The following TRAP1 variants were observed in gnomAD, a reference collection of about 807,000 sequenced individuals.
TRAP1 encodes the protein TNF receptor associated protein 1.
TRAP1 carries 102 observed loss-of-function variants against 89.1 expected under a neutral mutation model. That is an observed-to-expected ratio of 1.15 (90% CI 0.98 to 1.35). The LOEUF (loss-of-function observed/expected upper bound fraction) is 1.35. TRAP1 is among the 40% of genes most tolerant of loss of function. The pLI, the probability that TRAP1 is intolerant of heterozygous loss-of-function variation, is 0.00. For synonymous variants in TRAP1, 508 were observed against 388.0 expected, an observed-to-expected ratio of 1.31 and a Z score of -3.64; for missense variants, 1,256 against 945.3, an observed-to-expected ratio of 1.33 and a Z score of -4.31.
chr16:3,662,194 T>C (rs867005175), intron 15 of TRAP1, 62 bp from the exon 16 acceptor site: 6 of 1,567,096 alleles, frequency 3.8e-6, no homozygotes, highest in Non-Finnish European at 5.2e-6. Flanking sequence ...GCTGGCAGGA[T>C]CTTACCAGGG....
chr16:3,663,577 G>C lies in TRAP1; in HGVS notation c.1570-15C>G, dbSNP rs373408183. ...CAGAAGAGAACCTGCAGGTGGCCAAGAGCAGCTCCATCAGACCCCGGGGGC... is the reference window on the plus strand; with the variant it reads ...CAGAAGAGAACCTGCAGGTGGCCAACAGCAGCTCCATCAGACCCCGGGGGC... On this transcript the variant is annotated splice_polypyrimidine_tract_variant and intron_variant, in intron 13 of 17. Transcript: ENST00000246957. 15 of 1,613,224 alleles carry C rather than the reference G, an allele frequency of 9.3e-6. No homozygotes were observed. In the Admixed American group the frequency reaches 1.5e-4, roughly 16 times the overall value.
At chr16:3,682,297 T>A (rs1258669909) in intron 4 of TRAP1, among the ~76,000 whole-genome samples, 1 of 147,040 alleles carries the variant, frequency 6.8e-6, no homozygotes, top group East Asian at 2.0e-4. Context: ...ACATCTGTAA[T>A]CCCAGCACTT....
rs1410069903 is a variant in TRAP1, at chr16:3,705,452, GCAA to G, written c.88+11966_88+11968del. ...CTTTTCCCTCTCCCACCAGCTCTTG[GCAA>G]CTACTCATCTATGTCTGTCTCTATG... is the stretch of plus-strand genomic sequence containing the variant. On this transcript the variant is annotated intron_variant, in intron 1 of 17. Coordinates refer to ENST00000246957, the MANE Select transcript of TRAP1 (RefSeq NM_016292.3). Among the ~76,000 whole-genome samples, 11 of 152,128 alleles carry G rather than the reference GCAA, an allele frequency of 7.2e-5. 1 individual carries two copies. The South Asian group carries it at 2.3e-3, about 32-fold the overall frequency.
intron 1 of TRAP1, among the ~76,000 whole-genome samples, chr16:3,704,006 C>T (rs558641007): frequency 1.1e-5 from 1 of 88,330 alleles, no homozygotes; most frequent in Admixed American, 1.4e-4. Flanking sequence ...CAGAGCGAGA[C>T]CCCGTCTCAA....
chr16:3,694,977 T>C (rs968470692), intron 1 of TRAP1, among the ~76,000 whole-genome samples: 1 of 152,208 alleles, frequency 6.6e-6, no homozygotes, highest in East Asian at 1.9e-4. Context: ...CTCTGCAGCC[T>C]CTGGCGTTGC....
intron 1 of TRAP1, among the ~76,000 whole-genome samples, chr16:3,699,204 G>A (rs558760167): frequency 3.3e-5 from 5 of 152,124 alleles, no homozygotes; most frequent in African/African-American, 4.8e-5. Flanking sequence ...CTCAGTAGCT[G>A]GGACTCCTTC....
At chr16:3,695,878 G>C (rs937667422) in intron 1 of TRAP1, among the ~76,000 whole-genome samples, 1 of 152,158 alleles carries the variant, frequency 6.6e-6, no homozygotes, top group Non-Finnish European at 1.5e-5. Context: ...TTGAAGAAAA[G>C]TCACTGATAA....
intron 4 of TRAP1, among the ~76,000 whole-genome samples, chr16:3,685,252 G>A (rs1306363993): frequency 1.3e-5 from 2 of 152,296 alleles, no homozygotes; most frequent in South Asian, 2.1e-4. Flanking sequence ...CAGCTGGCAC[G>A]TACCACGGGG....
chr16:3,694,019 G>A (rs1332325148), intron 1 of TRAP1, among the ~76,000 whole-genome samples: 4 of 142,192 alleles, frequency 2.8e-5, no homozygotes, highest in Admixed American at 2.1e-4. Flanking sequence ...AAAAAAAAAG[G>A]TCCCAGGTTC....
intron 10 of TRAP1, among the ~76,000 whole-genome samples, chr16:3,672,320 T>C (rs2050924937): frequency 6.6e-6 from 1 of 151,986 alleles, no homozygotes. Flanking sequence ...GCAAGACTCG[T>C]CTCAAAAAAC....
chr16:3,668,007 CA>C (rs1221540680), intron 11 of TRAP1, among the ~76,000 whole-genome samples: 1 of 148,472 alleles, frequency 6.7e-6, no homozygotes, highest in African/African-American at 2.5e-5. Context: ...TGGCGCACTG[CA>C]ATCTCCACCT....
intron 1 of TRAP1, among the ~76,000 whole-genome samples, chr16:3,699,916 C>G (rs937769928): frequency 6.6e-6 from 1 of 151,382 alleles, no homozygotes; most frequent in Non-Finnish European, 1.5e-5. Context: ...CTCAAGCAAT[C>G]TTCCTACCTT....
At chr16:3,696,649 C>T (rs542487673) in intron 1 of TRAP1, among the ~76,000 whole-genome samples, 9 of 152,088 alleles carry the variant, frequency 5.9e-5, no homozygotes, top group East Asian at 5.8e-4. Context: ...TCGACCTTCC[C>T]GGGCTCAGGT....
intron 2 of TRAP1, among the ~76,000 whole-genome samples, chr16:3,690,335 TA>T (rs1220257674): frequency 1.3e-5 from 2 of 152,184 alleles, no homozygotes; most frequent in African/African-American, 4.8e-5. Flanking sequence ...GTTTCCAAAT[TA>T]ATTAGTTAGA....
chr16:3,661,977 G>T lies in TRAP1; in HGVS notation c.1940+10C>A. On this transcript the variant is annotated intron_variant, in intron 16 of 17. Transcript: ENST00000246957. ...CCCACAGGCTGGAAGAGCCAGGAGC[G>T]TGGCCTCACCTGGGGTTGATCTCCA... 1 of 1,594,594 alleles carries T rather than the reference G, an allele frequency of 6.3e-7. No individual in the cohort carries two copies.
rs372373697 is a variant in TRAP1 at position 3,715,299 on chromosome 16, A to G, written c.88+2122T>C. On this transcript the variant is annotated intron_variant, in intron 1 of 17. Transcript: ENST00000246957. ...TAAAAATACAAAAAATTAGCCAGGCATGGTGGTGGGCGCCTAAAGTCCCAG... is the reference window on the plus strand; with the variant it reads ...TAAAAATACAAAAAATTAGCCAGGCGTGGTGGTGGGCGCCTAAAGTCCCAG... Among the ~76,000 whole-genome samples the G allele has an allele frequency of 7.2e-5, 11 of 152,052 alleles. No homozygotes were observed. In the South Asian group the frequency reaches 1.7e-3, roughly 23 times the overall value.
Position 3,666,073 on chromosome 16 carries a change from A to G in TRAP1, c.1281T>C (p.Ile427=). Residue 427 remains isoleucine (I), a synonymous_variant, in exon 12 of 18, where the codon ATT becomes ATC. Transcript: ENST00000246957. ...TCTCAGCATCTTTTTTACTCTGGTC[A>G]ATGAAGAATTTGATCAGCCTCTGCT... ...VLQQRLIKFF[I]DQSKKDAEKY... The G allele has an allele frequency of 6.2e-7, 1 of 1,614,156 alleles. No homozygotes were observed. The highest frequency in any genetic ancestry group is 8.5e-7 in the Non-Finnish European group (1 of 1,180,012).
intron 4 of TRAP1, among the ~76,000 whole-genome samples, chr16:3,680,652 C>G (rs1056043339): frequency 6.6e-6 from 1 of 152,260 alleles, no homozygotes; most frequent in East Asian, 1.9e-4. Context: ...AGCTGCTCTG[C>G]TCTGAGTGCC....
rs544411930 is a variant in TRAP1, at chr16:3,673,322, G to T, written c.1045-502C>A. Reference sequence around the variant, plus strand: ...CCCTGTGTGCTCAGAGGGCAGCAGGGCAGTGCTGCTTCCTCACCCGGCAGG... The same window carrying T: ...CCCTGTGTGCTCAGAGGGCAGCAGGTCAGTGCTGCTTCCTCACCCGGCAGG... On this transcript the variant is annotated intron_variant, in intron 9 of 17. Coordinates refer to ENST00000246957, the MANE Select transcript of TRAP1 (RefSeq NM_016292.3). Among the ~76,000 whole-genome samples, 3 of 152,338 alleles carry T rather than the reference G, an allele frequency of 2.0e-5. No individual in the cohort carries two copies. The South Asian group carries it at 6.2e-4, about 32-fold the overall frequency.
Sources: gnomAD v4.1 joint callset for allele counts (sites outside exome capture counted in the v4.1 genomes callset) on GRCh38, gnomAD v4.1.1 for gene constraint, MANE v1.5 for transcripts, NCBI Gene and HGNC (gene_info 2026-07-23, HGNC 2026-07-21) for gene names.